JAG1: variants seen among roughly 807,000 people sequenced by gnomAD.
The protein encoded by JAG1 is jagged canonical Notch ligand 1, also known as protein jagged-1.
Under a neutral mutation model 148.7 loss-of-function variants are expected in JAG1, and 23 were observed. The observed-to-expected ratio is 0.15, with a 90% CI of 0.11 to 0.22. JAG1 has a LOEUF of 0.22. Among genes scored for constraint, JAG1 ranks in the 10% least tolerant of loss-of-function variants. JAG1 has a pLI of 1.00. For missense variants in JAG1, 1,054 were observed against 1,611.2 expected (o/e 0.65, Z 5.92); for synonymous variants, 572 against 598.3 (o/e 0.96, Z 0.64).
rs1043396892 is a variant in JAG1, at chr20:10,663,085, A to G, written c.439+878T>C. Among the ~76,000 whole-genome samples the G allele has an allele frequency of 1.5e-4, 18 of 121,474 alleles. 2 individuals carry two copies. The Middle Eastern group carries it at 0.017, about 115-fold the overall frequency. 79.7% of individuals were successfully genotyped at this position (121,474 alleles called of 152,430 possible). A position where few individuals can be genotyped will look rare whatever the true frequency, so the allele number is the denominator to read the frequency against. On this transcript the variant is annotated intron_variant, in intron 3 of 25. Transcript: ENST00000254958. ...AAAATATATTATTCACAGTGAAAGC[A>G]AACAAAAAAAAATGGTAAGATAGAA...
intron 3 of JAG1, among the ~76,000 whole-genome samples, chr20:10,661,664 T>C (rs2067418168): frequency 6.6e-6 from 1 of 152,140 alleles, no homozygotes; most frequent in Admixed American, 6.5e-5. Flanking sequence ...TGGTTGGTTT[T>C]TCATAATAAG....
Position 10,644,381 on chromosome 20 carries a change from G to A in JAG1, c.2348C>T (p.Thr783Ile). The change falls in exon 19 of 26, where the codon ACC becomes ATC. Residue 783 changes from threonine to isoleucine, a missense_variant. By Grantham distance (89) the Thr-to-Ile change is moderately conservative. Transcript: ENST00000254958. ...CCAGGGATGAGGGCTGCAGTCATTG[G>A]TATCTGCAAAGAAAAGACAACTTAA... ...GWEGPICAQN[T>I]NDCSPHPCYN... is the part of the protein sequence containing the mutation. 6.2e-7 allele frequency: 1 copy of A among 1,612,948 alleles called. No homozygotes were observed. The highest frequency in any genetic ancestry group is 8.5e-7 in the Non-Finnish European group (1 of 1,179,174).
rs756552082 is a variant in JAG1 at position 10,641,469 on chromosome 20, C to T, written c.2907G>A (p.Met969Ile). Residue 969 changes from methionine (M) to isoleucine (I), a missense_variant, in exon 23 of 26, where the codon ATG becomes ATA. Physicochemically the swap from Met to Ile is conservative, Grantham distance 10. Coordinates refer to ENST00000254958, the MANE Select transcript of JAG1 (RefSeq NM_000214.3). ...ANITFTFNKE[M>I]MSPGLTTEHI... is the part of the protein sequence containing the mutation. ...AAAGGTTGTTACATACTGGTGACAT[C>T]ATCTCCTTGTTAAAGGTAAATGTGA... 1 of 1,613,462 alleles carries T rather than the reference C, an allele frequency of 6.2e-7. No homozygotes were observed. Among genetic ancestry groups the T allele is most frequent in the East Asian group, 2.2e-5 (1 of 44,880 alleles).
At chr20:10,646,638 C>A (rs2067310860) in intron 14 of JAG1, among the ~76,000 whole-genome samples, 1 of 151,778 alleles carries the variant, frequency 6.6e-6, no homozygotes, top group Non-Finnish European at 1.5e-5. Context: ...CATGGGGAAA[C>A]CCCATCTCTA....
intron 3 of JAG1, among the ~76,000 whole-genome samples, chr20:10,659,446 T>C (rs2122625095): frequency 6.6e-6 from 1 of 152,328 alleles, no homozygotes; most frequent in East Asian, 1.9e-4. Context: ...AATTTCATTA[T>C]TCCAGATAAA....
chr20:10,646,427 T>C, intron 14 of JAG1: 1 of 378,236 alleles, frequency 2.6e-6, no homozygotes, highest in Non-Finnish European at 5.1e-6. Flanking sequence ...ATCTGGTAAA[T>C]TGAACACGAC....
intron 2 of JAG1, among the ~76,000 whole-genome samples, chr20:10,665,995 C>G (rs1442005845): frequency 6.6e-6 from 1 of 152,158 alleles, no homozygotes; most frequent in African/African-American, 2.4e-5. Flanking sequence ...TGCACACAGC[C>G]CTACGTGCCT....
chr20:10,672,854 G>A lies in JAG1; in HGVS notation c.234C>T (p.Cys78=), dbSNP rs1258472045. Residue 78 remains cysteine, a synonymous_variant, in exon 2 of 26, where the codon TGC becomes TGT. Transcript: ENST00000254958. ...TGACGCGGGACTGATACTCCTTGAG[G>A]CACACTTTGAAGTATGTGTCACACT... The part of the protein sequence containing the change: ...RDECDTYFKV[C]LKEYQSRVTA... The A allele has an allele frequency of 5.6e-6, 9 of 1,613,354 alleles. No individual in the cohort carries two copies. Among genetic ancestry groups the A allele is most frequent in the Non-Finnish European group, 7.6e-6 (9 of 1,180,052 alleles).
intron 25 of JAG1, 39 bp downstream of exon 25, chr20:10,640,744 C>G (rs370375093): frequency 1.7e-5 from 27 of 1,595,380 alleles, no homozygotes; most frequent in African/African-American, 2.7e-5. Context: ...ATGAGATCAT[C>G]TACTATCATC....
rs1177037475 is a variant in JAG1, at chr20:10,637,813, C to A, written c.*1685G>T. 1 of 152,620 alleles carries A rather than the reference C, an allele frequency of 6.6e-6. No homozygotes were observed. 9.5% of individuals were successfully genotyped at this position (152,620 alleles called of 1,614,324 possible). ...CAGCAGCCCCAGGTCTTTGAGAACT[C>A]CAGATGAGTTTTGTGGTTGAAAAGC... On this transcript the variant is annotated 3_prime_UTR_variant, in exon 26 of 26. Transcript: ENST00000254958.
chr20:10,669,783 T>C (rs1308137966), intron 2 of JAG1, among the ~76,000 whole-genome samples: 1 of 152,108 alleles, frequency 6.6e-6, no homozygotes, highest in Non-Finnish European at 1.5e-5. Context: ...ATTACACTAA[T>C]GTATTTTTAA....
intron 18 of JAG1, chr20:10,644,662 C>A: frequency 6.2e-6 from 4 of 643,844 alleles, no homozygotes; most frequent in Non-Finnish European, 1.1e-5. Flanking sequence ...GGAACTGAGA[C>A]GCCATCTGTC....
intron 4 of JAG1, 36 bp from the exon 5 acceptor site, chr20:10,656,494 C>T (rs1397130271): frequency 1.3e-6 from 2 of 1,588,164 alleles, no homozygotes; most frequent in East Asian, 4.5e-5. Flanking sequence ...CAGCACACTG[C>T]CTGTTCCTTG....
At chr20:10,643,003 G>A (rs1259544072) in intron 20 of JAG1, among the ~76,000 whole-genome samples, 1 of 152,232 alleles carries the variant, frequency 6.6e-6, no homozygotes, top group Non-Finnish European at 1.5e-5. Context: ...ATACATAAAT[G>A]AATGTGTGGC....
In JAG1 at chr20:10,673,361, C is replaced by A; in HGVS notation, c.81+89G>T. 9.8e-7 allele frequency: 1 copy of A among 1,019,308 alleles called. No homozygotes were observed. Among genetic ancestry groups the A allele is most frequent in the South Asian group, 1.7e-5 (1 of 58,362 alleles). 63.1% of individuals were successfully genotyped at this position (1,019,308 alleles called of 1,614,324 possible). ...CGAGGAGTCGGGCGCTCGAGGGCTGCCGAGCCTGCTCGCGGGGCTCAACCG... is the reference window on the plus strand; with the variant it reads ...CGAGGAGTCGGGCGCTCGAGGGCTGACGAGCCTGCTCGCGGGGCTCAACCG... On this transcript the variant is annotated intron_variant, in intron 1 of 25. Transcript: ENST00000254958. The surrounding 1 kb of genome is among the most constrained non-coding windows in gnomAD (Gnocchi z 4.7).
intron 20 of JAG1, 152 bp from the exon 21 acceptor site, chr20:10,642,753 T>C (rs1257076459): frequency 4.3e-6 from 3 of 690,940 alleles, no homozygotes; most frequent in Non-Finnish European, 7.9e-6. Flanking sequence ...GAAACAGATC[T>C]ATTGCAAAAA....
At position 10,646,079 on chromosome 20, in the gene JAG1, T is replaced by C; in HGVS notation, c.1891A>G (p.Asn631Asp). ...FTGTYCHENI[N>D]DCESNPCRNG... Reference sequence around the variant, plus strand: ...CTACAAGGGTTGCTCTCACAGTCATTAATATCTATGAAACAAAGTAAAGCA... The same window carrying C: ...CTACAAGGGTTGCTCTCACAGTCATCAATATCTATGAAACAAAGTAAAGCA... Residue 631 changes from asparagine to aspartate, a missense_variant, in exon 15 of 26, where the codon AAT becomes GAT. By Grantham distance (23) the Asn-to-Asp change is conservative (BLOSUM62 1). Transcript: ENST00000254958. The C allele has an allele frequency of 6.2e-7, 1 of 1,607,700 alleles. No homozygotes were observed. The highest frequency in any genetic ancestry group is 8.5e-7 in the Non-Finnish European group (1 of 1,174,152).
chr20:10,667,077 C>T (rs534004571), intron 2 of JAG1, among the ~76,000 whole-genome samples: 8 of 152,322 alleles, frequency 5.3e-5, no homozygotes, highest in South Asian at 2.1e-4. Context: ...TGTTGGCAGC[C>T]GGGAGCTTCC....
chr20:10,639,364 A>T lies in JAG1; in HGVS notation c.*134T>A. 1 of 864,032 alleles carries T rather than the reference A, an allele frequency of 1.2e-6. No homozygotes were observed. The highest frequency in any genetic ancestry group is 2.0e-6 in the Non-Finnish European group (1 of 503,690). 53.5% of individuals were successfully genotyped at this position (864,032 alleles called of 1,614,324 possible). A position where few individuals can be genotyped will look rare whatever the true frequency, so the allele number is the denominator to read the frequency against. ...CCACAGAAACTACCATTGCCAGTGT[A>T]AGCCAGCTTGTCAAAACTTAAATTA... On this transcript the variant is annotated 3_prime_UTR_variant, in exon 26 of 26. Coordinates refer to ENST00000254958, the MANE Select transcript of JAG1 (RefSeq NM_000214.3).
Sources: allele counts gnomAD v4.1 joint callset (sites outside exome capture counted in the v4.1 genomes callset), GRCh38; gene constraint gnomAD v4.1.1; non-coding constraint Gnocchi (gnomAD v3.1); transcripts MANE v1.5; gene names NCBI Gene and HGNC (gene_info 2026-07-23, HGNC 2026-07-21).